PDE7A: variants seen among roughly 807,000 people sequenced by gnomAD.
PDE7A encodes high affinity 3',5'-cyclic-AMP phosphodiesterase 7A.
PDE7A carries 39 observed loss-of-function variants against 64.3 expected under a neutral mutation model. That is an observed-to-expected ratio of 0.61 (90% CI 0.47 to 0.79). The LOEUF is 0.79. PDE7A is among the 30% of genes least tolerant of loss of function. The probability of loss-of-function intolerance (pLI) is 0.00; values close to 1 mark genes in which losing one functional copy is unlikely to be tolerated. For synonymous variants in PDE7A, 203 were observed against 206.8 expected, an observed-to-expected ratio of 0.98 and a Z score of 0.16; for missense variants, 470 against 582.8, an observed-to-expected ratio of 0.81 and a Z score of 1.99.
chr8:65,799,531 G>T (rs779270237), intron 1 of PDE7A, among the ~76,000 whole-genome samples: 52 of 152,348 alleles, frequency 3.4e-4, no homozygotes, highest in South Asian at 1.2e-3. Context: ...CTGTAAGAAA[G>T]CTATTGCCTT....
At chr8:65,752,356 C>T (rs1296228805) in intron 3 of PDE7A, among the ~76,000 whole-genome samples, 1 of 152,158 alleles carries the variant, frequency 6.6e-6, no homozygotes. Context: ...CTCATGAAAA[C>T]AAAATTATCT....
At chr8:65,805,409 C>T (rs1437921866) in intron 1 of PDE7A, among the ~76,000 whole-genome samples, 1 of 152,168 alleles carries the variant, frequency 6.6e-6, no homozygotes, top group Admixed American at 6.5e-5. Flanking sequence ...TTTAATTGAG[C>T]AGCAGAGATT....
chr8:65,741,391 T>C (rs1306863272), intron 5 of PDE7A, among the ~76,000 whole-genome samples: 1 of 152,154 alleles, frequency 6.6e-6, no homozygotes. Context: ...TGAAGGATAA[T>C]AAAGGACTGT....
intron 3 of PDE7A, among the ~76,000 whole-genome samples, chr8:65,748,468 T>C (rs1314703492): frequency 6.6e-6 from 1 of 152,198 alleles, no homozygotes; most frequent in African/African-American, 2.4e-5. Context: ...AGCCATTTTT[T>C]CCCTCTAGTG....
At chr8:65,824,526 C>A (rs1368892997) in intron 1 of PDE7A, among the ~76,000 whole-genome samples, 1 of 152,146 alleles carries the variant, frequency 6.6e-6, no homozygotes, top group Non-Finnish European at 1.5e-5. Context: ...ACAGAAAAAT[C>A]TTTCATGAAA....
chr8:65,781,376 G>A (rs1259027416), intron 2 of PDE7A, among the ~76,000 whole-genome samples: 2 of 152,180 alleles, frequency 1.3e-5, no homozygotes, highest in African/African-American at 4.8e-5. Flanking sequence ...GTCAGATCAT[G>A]CTGGACCTTT....
In PDE7A at chr8:65,823,306, T is replaced by C. The variant is rs77886673; in HGVS notation, c.138+18065A>G. On this transcript the variant is annotated intron_variant, in intron 1 of 12. Transcript: ENST00000401827. Reference sequence around the variant, plus strand: ...TTTTCATTGTGAGACAAAGAAAACATTAAACTGAATAATGATGTTTCTACA... The same window carrying C: ...TTTTCATTGTGAGACAAAGAAAACACTAAACTGAATAATGATGTTTCTACA... 1.1e-3 allele frequency among the ~76,000 whole-genome samples: 161 copies of C among 152,266 alleles called. 3 individuals carry two copies. In the East Asian group the frequency reaches 0.026, roughly 24 times the overall value.
intron 1 of PDE7A, among the ~76,000 whole-genome samples, chr8:65,828,134 A>G (rs1810725059): frequency 6.6e-6 from 1 of 151,856 alleles, no homozygotes; most frequent in Non-Finnish European, 1.5e-5. Context: ...TCTGAAATAG[A>G]TATATTTTCA....
At chr8:65,772,343 C>T (rs1046681111) in intron 3 of PDE7A, among the ~76,000 whole-genome samples, 2 of 152,112 alleles carry the variant, frequency 1.3e-5, no homozygotes, top group Non-Finnish European at 2.9e-5. Context: ...ATTTTTAATT[C>T]TATACAAGGT....
Position 65,718,911 on chromosome 8 carries a change from T to C in PDE7A, c.*379A>G, listed in dbSNP as rs1806256880. Reference sequence around the variant, plus strand: ...CTTAGTGGAAGGTACAAGATACACATTGTTGCATCAGACTGGTTAAATTCC... The same window carrying C: ...CTTAGTGGAAGGTACAAGATACACACTGTTGCATCAGACTGGTTAAATTCC... On this transcript the variant is annotated 3_prime_UTR_variant, in exon 13 of 13. Transcript: ENST00000401827. 1.6e-5 allele frequency: 4 copies of C among 253,614 alleles called. No homozygotes were observed. Among genetic ancestry groups the C allele is most frequent in the East Asian group, 8.7e-5 (1 of 11,542 alleles). The allele number at this position is 253,614 out of a possible 1,614,324, so 15.7% of individuals were successfully genotyped here.
At chr8:65,761,929 G>T (rs571220014) in intron 3 of PDE7A, among the ~76,000 whole-genome samples, 1 of 152,020 alleles carries the variant, frequency 6.6e-6, no homozygotes, top group African/African-American at 2.4e-5. Flanking sequence ...CACCCAAATC[G>T]CATGTTTTCC....
chr8:65,735,165 A>C (rs1807073917), intron 6 of PDE7A, among the ~76,000 whole-genome samples: 1 of 152,194 alleles, frequency 6.6e-6, no homozygotes, highest in Non-Finnish European at 1.5e-5. Flanking sequence ...CAGCCCTAGC[A>C]GCATAACACA....
intron 1 of PDE7A, among the ~76,000 whole-genome samples, chr8:65,786,526 G>A (rs761900844): frequency 5.3e-5 from 8 of 152,080 alleles, no homozygotes; most frequent in Admixed American, 2.6e-4. Flanking sequence ...TTTGACCTCC[G>A]TGTTAGAATC....
At chr8:65,797,252 T>G (rs1809866594) in intron 1 of PDE7A, among the ~76,000 whole-genome samples, 1 of 152,184 alleles carries the variant, frequency 6.6e-6, no homozygotes, top group Non-Finnish European at 1.5e-5. Context: ...AACAGGTTTT[T>G]GCAAATGTAA....
chr8:65,812,759 C>A (rs1218134853), intron 1 of PDE7A, among the ~76,000 whole-genome samples: 1 of 152,078 alleles, frequency 6.6e-6, no homozygotes, highest in Non-Finnish European at 1.5e-5. Flanking sequence ...AACATAAAAA[C>A]ATGCATAGCA....
intron 9 of PDE7A, among the ~76,000 whole-genome samples, chr8:65,725,142 C>G (rs1806560126): frequency 6.6e-6 from 1 of 151,750 alleles, no homozygotes; most frequent in Non-Finnish European, 1.5e-5. Flanking sequence ...AGGAAAATAC[C>G]AATATGCAAA....
intron 1 of PDE7A, among the ~76,000 whole-genome samples, chr8:65,800,570 G>A (rs571054379): frequency 2.9e-4 from 44 of 152,290 alleles, no homozygotes; most frequent in African/African-American, 1.0e-3. Context: ...TCCCTGCTTA[G>A]CACTCTGCAG....
intron 4 of PDE7A, among the ~76,000 whole-genome samples, chr8:65,745,849 CTGAG>C (rs1179673322): frequency 6.6e-6 from 1 of 152,212 alleles, no homozygotes; most frequent in Non-Finnish European, 1.5e-5. Context: ...AGTGACACTA[CTGAG>C]TATTTACTGT....
At chr8:65,823,592 C>G (rs994891936) in intron 1 of PDE7A, among the ~76,000 whole-genome samples, 4 of 152,112 alleles carry the variant, frequency 2.6e-5, no homozygotes, top group Admixed American at 6.5e-5. Flanking sequence ...CATTCAGTTA[C>G]ACGCATAAAA....
Sources: allele counts gnomAD v4.1 joint callset (sites outside exome capture counted in the v4.1 genomes callset), GRCh38; gene constraint gnomAD v4.1.1; transcripts MANE v1.5; gene names NCBI Gene and HGNC (gene_info 2026-07-23, HGNC 2026-07-21).